Variants in GRIK5 observed in about 807,000 individuals in gnomAD.
The protein encoded by GRIK5 is glutamate receptor ionotropic, kainate 5.
A neutral mutation model predicts 97.4 loss-of-function variants in GRIK5; 43 were observed. That is an observed-to-expected ratio of 0.44 (90% CI 0.35 to 0.57). The LOEUF (loss-of-function observed/expected upper bound fraction) is 0.57. Among genes scored for constraint, GRIK5 ranks in the 20% least tolerant of loss-of-function variants. The probability of loss-of-function intolerance (pLI) is 0.01; values close to 1 mark genes in which losing one functional copy is unlikely to be tolerated. For missense variants in GRIK5, 1,015 were observed against 1,382.0 expected (o/e 0.73, Z 4.21); for synonymous variants, 580 against 583.5 (o/e 0.99, Z 0.09).
intron 12 of GRIK5, among the ~76,000 whole-genome samples, chr19:42,029,501 T>TTGTAGC (rs1254776176): frequency 2.6e-5 from 4 of 151,946 alleles, no homozygotes; most frequent in Non-Finnish European, 5.9e-5. Flanking sequence ...TCCCAGCTAC[T>TTGTAGC]TGGGAGGCTG....
chr19:42,016,958 T>C (rs2075632460), intron 15 of GRIK5, among the ~76,000 whole-genome samples: 2 of 152,018 alleles, frequency 1.3e-5, no homozygotes, highest in Non-Finnish European at 2.9e-5. Context: ...TGCATGATTA[T>C]AATATAAACC....
chr19:42,064,668 A>C (rs2076305232), intron 3 of GRIK5, among the ~76,000 whole-genome samples: 1 of 152,224 alleles, frequency 6.6e-6, no homozygotes, highest in Non-Finnish European at 1.5e-5. Flanking sequence ...GCAGGAAAGA[A>C]ACCTGTCTAA....
rs2075493183 is a variant in GRIK5 at position 42,006,511 on chromosome 19, T to C, written c.2037+134A>G. 3.9e-6 allele frequency: 3 copies of C among 760,356 alleles called. No homozygotes were observed. The highest frequency in any genetic ancestry group is 2.4e-5 in the Admixed American group (1 of 41,904). The allele number at this position is 760,356 out of a possible 1,614,324, so 47.1% of individuals were successfully genotyped here. A position where few individuals can be genotyped will look rare whatever the true frequency, so the allele number is the denominator to read the frequency against. On this transcript the variant is annotated intron_variant, in intron 16 of 19. Coordinates refer to ENST00000593562, the MANE Select transcript of GRIK5 (RefSeq NM_002088.5). This position sits in a 1 kb window ranked among gnomAD's most constrained non-coding sequence, Gnocchi z 5.3. ...AGCCCCATGACAGCACATGTGTGTT[T>C]TCTGCTCCCCAGCCTCCAGGCTGTC...
At chr19:42,004,581 T>C (rs2082899101) in intron 17 of GRIK5, among the ~76,000 whole-genome samples, 2 of 152,200 alleles carry the variant, frequency 1.3e-5, no homozygotes, top group South Asian at 4.1e-4. Context: ...ACGAAAGTGA[T>C]ACACTTGCTT....
At chr19:42,061,008 C>A (rs990824262) in intron 5 of GRIK5, among the ~76,000 whole-genome samples, 2 of 152,226 alleles carry the variant, frequency 1.3e-5, no homozygotes, top group Non-Finnish European at 2.9e-5. Context: ...AAGATCAGAG[C>A]CTGGCACAGA....
In GRIK5 at chr19:41,999,984, C is replaced by A. The variant is rs1182207637; in HGVS notation, c.2515-685G>T. ...AGACCTGGGAAGCCAGCCTGCTGGA[C>A]AGATAACCGGGCAGGGCCGAAATGC... is the stretch of plus-strand genomic sequence containing the variant. On this transcript the variant is annotated intron_variant, in intron 19 of 19. Coordinates refer to ENST00000593562, the MANE Select transcript of GRIK5 (RefSeq NM_002088.5). This position sits in a 1 kb window ranked among gnomAD's most constrained non-coding sequence, Gnocchi z 5.0. 6.6e-6 allele frequency among the ~76,000 whole-genome samples: 1 copy of A among 152,212 alleles called. No individual in the cohort carries two copies. The highest frequency in any genetic ancestry group is 2.4e-5 in the African/African-American group (1 of 41,458).
intron 1 of GRIK5, chr19:42,068,564 C>A (rs1270529377): frequency 7.4e-6 from 3 of 404,162 alleles, no homozygotes; most frequent in Non-Finnish European, 1.3e-5. Flanking sequence ...AGACAGCCTC[C>A]AAGCTCAGAG....
At chr19:42,004,127 C>A (rs1339862268) in intron 17 of GRIK5, among the ~76,000 whole-genome samples, 1 of 152,200 alleles carries the variant, frequency 6.6e-6, no homozygotes, top group African/African-American at 2.4e-5. Flanking sequence ...ATTCTGATGA[C>A]TTTATTTAAA....
At chr19:42,039,081 G>A (rs918040553) in intron 12 of GRIK5, among the ~76,000 whole-genome samples, 1 of 152,038 alleles carries the variant, frequency 6.6e-6, no homozygotes, top group African/African-American at 2.4e-5. Context: ...ACGTTCTCCC[G>A]CCTGAGGCCC....
intron 15 of GRIK5, among the ~76,000 whole-genome samples, chr19:42,016,048 C>T (rs1439383017): frequency 6.6e-6 from 1 of 152,156 alleles, no homozygotes; most frequent in Non-Finnish European, 1.5e-5. Flanking sequence ...GACACAAAGA[C>T]CCAGGGACTG....
chr19:42,057,041 A>G, intron 6 of GRIK5, 63 bp from the exon 7 acceptor site: 1 of 1,224,418 alleles, frequency 8.2e-7, no homozygotes, highest in South Asian at 1.3e-5. Context: ...AGAGATGGGG[A>G]GGACTCAAGA....
intron 17 of GRIK5, 70 bp downstream of exon 17, chr19:42,005,653 C>G: frequency 8.9e-7 from 1 of 1,119,974 alleles, no homozygotes. Flanking sequence ...CTGGCCCGGT[C>G]CTGGGCCTGC....
intron 8 of GRIK5, 122 bp downstream of exon 8, chr19:42,056,540 C>T (rs1288778756): frequency 1.3e-6 from 1 of 780,778 alleles, no homozygotes; most frequent in Non-Finnish European, 2.1e-6. Flanking sequence ...CACAAGGCCA[C>T]ACCACGAGGC....
chr19:42,041,323 T>C (rs539806935), intron 12 of GRIK5, among the ~76,000 whole-genome samples: 7 of 152,082 alleles, frequency 4.6e-5, no homozygotes, highest in Admixed American at 1.3e-4. Flanking sequence ...GCTCTGGGAG[T>C]GTCCTAATCA....
chr19:42,059,549 G>A (rs1024059214), intron 5 of GRIK5, 22 bp from the exon 6 acceptor site: 12 of 1,601,144 alleles, frequency 7.5e-6, no homozygotes, highest in Admixed American at 1.7e-5. Flanking sequence ...GTGGGGCCTT[G>A]GGTTGGAGCC....
At chr19:42,068,930 C>T in intron 1 of GRIK5, 1 of 654,116 alleles carries the variant, frequency 1.5e-6, no homozygotes, top group East Asian at 2.9e-5. Context: ...GGCTTGGAGA[C>T]AGCAGGGGCA....
intron 15 of GRIK5, among the ~76,000 whole-genome samples, chr19:42,018,029 C>T (rs147877592): frequency 5.9e-5 from 9 of 151,776 alleles, no homozygotes; most frequent in Admixed American, 5.9e-4. Context: ...AATACTGACT[C>T]CCGGCTGGGC....
chr19:42,059,164 C>T (rs1032011610), intron 6 of GRIK5, among the ~76,000 whole-genome samples, 185 bp downstream of exon 6: 3 of 152,172 alleles, frequency 2.0e-5, no homozygotes, highest in Non-Finnish European at 4.4e-5. Flanking sequence ...GCGGTGACTG[C>T]TCAGGACCAC....
At position 42,065,507 on chromosome 19, in the gene GRIK5, G is replaced by A. The variant is rs983103355; in HGVS notation, c.80-120C>T. On this transcript the variant is annotated intron_variant, in intron 2 of 19. Coordinates refer to ENST00000593562, the MANE Select transcript of GRIK5 (RefSeq NM_002088.5). This position sits in a 1 kb window ranked among gnomAD's most constrained non-coding sequence, Gnocchi z 5.8. The stretch of plus-strand genomic sequence containing the variant: ...ATACGGACCAGGGGTCTAGACACCT[G>A]GATCTGAGGTTGGTGGGAGCTAGGG... 9.0e-7 allele frequency: 1 copy of A among 1,108,762 alleles called. No homozygotes were observed. Among genetic ancestry groups the A allele is most frequent in the South Asian group, 1.6e-5 (1 of 63,468 alleles). The allele number at this position is 1,108,762 out of a possible 1,614,324, so 68.7% of individuals were successfully genotyped here.
Sources: gnomAD v4.1 joint callset for allele counts (sites outside exome capture counted in the v4.1 genomes callset) on GRCh38, gnomAD v4.1.1 for gene constraint, Gnocchi (gnomAD v3.1) non-coding constraint, MANE v1.5 for transcripts, NCBI Gene and HGNC (gene_info 2026-07-23, HGNC 2026-07-21) for gene names.